Variants in GSAP observed in about 807,000 individuals in gnomAD.
GSAP encodes gamma-secretase activating protein.
In GSAP, 118 loss-of-function variants were observed where a neutral mutation model predicts 131.7. The ratio of observed to expected loss-of-function variants is 0.90; its 90% CI spans 0.77 to 1.04. GSAP has a LOEUF of 1.04. Among genes scored for constraint, GSAP ranks in the 50% least tolerant of loss-of-function variants. The pLI, the probability that GSAP is intolerant of heterozygous loss-of-function variation, is 0.00. For synonymous variants in GSAP, 381 were observed against 363.4 expected (o/e 1.05, Z -0.55); for missense variants, 1,019 against 1,013.2 (o/e 1.01, Z -0.08).
intron 16 of GSAP, among the ~76,000 whole-genome samples, chr7:77,354,370 TAA>T (rs1793351581): frequency 1.3e-5 from 2 of 152,332 alleles, no homozygotes; most frequent in South Asian, 2.1e-4. Context: ...GAATGCTTTG[TAA>T]AGAGTCAAAG....
chr7:77,371,273 T>C (rs929753396), intron 12 of GSAP, among the ~76,000 whole-genome samples: 1 of 152,152 alleles, frequency 6.6e-6, no homozygotes, highest in South Asian at 2.1e-4. Flanking sequence ...TAGCAAATTA[T>C]CTTAATTTCA....
chr7:77,404,126 A>G (rs1363894782), intron 3 of GSAP, among the ~76,000 whole-genome samples: 2 of 152,234 alleles, frequency 1.3e-5, no homozygotes, highest in Non-Finnish European at 1.5e-5. Flanking sequence ...AGCAGCACAC[A>G]GGGCACAAGG....
chr7:77,413,106 G>C (rs982786712), intron 1 of GSAP, among the ~76,000 whole-genome samples: 3 of 152,300 alleles, frequency 2.0e-5, no homozygotes, highest in Middle Eastern at 3.4e-3. Context: ...ACAGAGTTTA[G>C]TACCCAGTAT....
Position 77,323,745 on chromosome 7 carries a change from G to T in GSAP, c.1828-3C>A. On this transcript the variant is annotated splice_polypyrimidine_tract_variant and splice_region_variant and intron_variant, in intron 23 of 30. Coordinates refer to ENST00000257626, the MANE Select transcript of GSAP (RefSeq NM_017439.4). ...TGGTCTTTTAGCTCAGACACCATCT[G>T]AAAACAGGATATGCATTAAATAAGT... The T allele has an allele frequency of 6.7e-7, 1 of 1,496,594 alleles. No individual in the cohort carries two copies. The highest frequency in any genetic ancestry group is 9.3e-7 in the Non-Finnish European group (1 of 1,078,536). The allele number at this position is 1,496,594 out of a possible 1,614,324, so 92.7% of individuals were successfully genotyped here.
chr7:77,360,186 G>A (rs1794325254), intron 14 of GSAP, among the ~76,000 whole-genome samples: 1 of 152,150 alleles, frequency 6.6e-6, no homozygotes, highest in South Asian at 2.1e-4. Flanking sequence ...TGTTCCATAT[G>A]CCATGTTCCA....
chr7:77,404,088 T>C (rs1189821307), intron 3 of GSAP, among the ~76,000 whole-genome samples: 2 of 152,124 alleles, frequency 1.3e-5, no homozygotes, highest in African/African-American at 4.8e-5. Flanking sequence ...CTCAATCGAG[T>C]TAAATCAAGA....
At chr7:77,387,503 T>G in intron 5 of GSAP, 55 bp from the exon 6 acceptor site, 1 of 952,826 alleles carries the variant, frequency 1.0e-6, no homozygotes. Flanking sequence ...CACATTATTT[T>G]TTCCAAAGCA....
intron 19 of GSAP, among the ~76,000 whole-genome samples, chr7:77,340,639 A>C (rs555620355): frequency 6.6e-6 from 1 of 152,174 alleles, no homozygotes; most frequent in African/African-American, 2.4e-5. Flanking sequence ...CGTGGACCCA[A>C]AACTCCGGCG....
chr7:77,330,733 T>G, intron 19 of GSAP: 3 of 988,988 alleles, frequency 3.0e-6, no homozygotes, highest in Non-Finnish European at 3.6e-6. Context: ...TTTTTATGAC[T>G]TAGGTGGTGT....
chr7:77,387,947 C>T (rs1311934480), intron 5 of GSAP, among the ~76,000 whole-genome samples: 1 of 152,166 alleles, frequency 6.6e-6, no homozygotes, highest in Non-Finnish European at 1.5e-5. Context: ...TATAAGAGGG[C>T]CTAACGGGTT....
chr7:77,333,540 G>C (rs1175217182), intron 19 of GSAP, among the ~76,000 whole-genome samples: 1 of 152,148 alleles, frequency 6.6e-6, no homozygotes, highest in Admixed American at 6.5e-5. Context: ...CTAATGTTCA[G>C]CCAGGACTGA....
chr7:77,369,704 G>T (rs1384109998), intron 12 of GSAP, among the ~76,000 whole-genome samples: 1 of 152,126 alleles, frequency 6.6e-6, no homozygotes, highest in Admixed American at 6.5e-5. Context: ...GCTATAGAGG[G>T]AGTCACATTT....
chr7:77,347,265 A>G (rs552088356), intron 19 of GSAP, among the ~76,000 whole-genome samples: 2 of 152,246 alleles, frequency 1.3e-5, no homozygotes, highest in African/African-American at 4.8e-5. Context: ...AAACCTAAAG[A>G]GGTACCGTGG....
chr7:77,337,294 G>C (rs1428888424), intron 19 of GSAP, among the ~76,000 whole-genome samples: 1 of 143,888 alleles, frequency 6.9e-6, no homozygotes, highest in Non-Finnish European at 1.5e-5. Flanking sequence ...CGGGGGCGGG[G>C]GTGGGGTGGG....
chr7:77,362,498 T>C (rs1343626036), intron 13 of GSAP, 85 bp downstream of exon 13: 6 of 730,926 alleles, frequency 8.2e-6, no homozygotes, highest in Non-Finnish European at 1.4e-5. Context: ...AAAAAATTAC[T>C]AATAACACTG....
intron 26 of GSAP, among the ~76,000 whole-genome samples, chr7:77,317,187 T>C (rs1213056661): frequency 6.6e-6 from 1 of 152,142 alleles, no homozygotes; most frequent in Non-Finnish European, 1.5e-5. Context: ...TGGAATACTA[T>C]GCAGCCATAA....
intron 22 of GSAP, 37 bp from the exon 23 acceptor site, chr7:77,326,310 G>C (rs1788324101): frequency 6.4e-6 from 9 of 1,414,146 alleles, no homozygotes; most frequent in Non-Finnish European, 6.9e-6. Context: ...GCTCTGAGCA[G>C]TTTTCAGGAG....
chr7:77,357,579 G>T lies in GSAP; in HGVS notation c.1028-1932C>A, dbSNP rs1028889202. On this transcript the variant is annotated intron_variant, in intron 14 of 30. Transcript: ENST00000257626. ...CCCTGGGCCACACTGGGAAGAAGAAGAATTGCCTTGGGCCACACATAACAT... is the reference window on the plus strand; with the variant it reads ...CCCTGGGCCACACTGGGAAGAAGAATAATTGCCTTGGGCCACACATAACAT... Among the ~76,000 whole-genome samples the T allele has an allele frequency of 2.6e-5, 4 of 151,914 alleles. 1 individual carries two copies. In the South Asian group the frequency reaches 8.3e-4, roughly 31 times the overall value.
rs769155889 is a variant in GSAP, at chr7:77,360,910, AG to A, written c.950-10del. On this transcript the variant is annotated splice_polypyrimidine_tract_variant and intron_variant, in intron 13 of 30. Coordinates refer to ENST00000257626, the MANE Select transcript of GSAP (RefSeq NM_017439.4). ...GAAGGTCTTGCTGTGTCCTGCAAAG[AG>A]AGAATATGAAGCCAGAGAATGTTAA... The A allele has an allele frequency of 6.5e-7, 1 of 1,531,636 alleles. No homozygotes were observed. The highest frequency in any genetic ancestry group is 1.4e-5 in the African/African-American group (1 of 72,922). The allele number at this position is 1,531,636 out of a possible 1,614,324, so 94.9% of individuals were successfully genotyped here. A position where few individuals can be genotyped will look rare whatever the true frequency, so the allele number is the denominator to read the frequency against.
Sources: allele counts gnomAD v4.1 joint callset (sites outside exome capture counted in the v4.1 genomes callset), GRCh38; gene constraint gnomAD v4.1.1; transcripts MANE v1.5; gene names NCBI Gene and HGNC (gene_info 2026-07-23, HGNC 2026-07-21).